Variants in RERE observed in about 807,000 individuals in gnomAD.
RERE encodes the protein arginine-glutamic acid dipeptide repeats protein.
In RERE, 40 loss-of-function variants were observed where a neutral mutation model predicts 146.1. That is an observed-to-expected ratio of 0.27 (90% confidence interval 0.21 to 0.36). The LOEUF (loss-of-function observed/expected upper bound fraction) is 0.36. Among genes scored for constraint, RERE ranks in the 10% least tolerant of loss-of-function variants. The pLI, the probability that RERE is intolerant of heterozygous loss-of-function variation, is 1.00. For missense variants in RERE, 1,933 were observed against 2,138.7 expected, an observed-to-expected ratio of 0.90 and a Z score of 1.90; for synonymous variants, 1,003 against 866.0, an observed-to-expected ratio of 1.16 and a Z score of -2.78.
intron 1 of RERE, among the ~76,000 whole-genome samples, chr1:8,789,269 A>C: frequency 8.4e-6 from 1 of 119,174 alleles, no homozygotes; most frequent in African/African-American, 3.5e-5. Context: ...ACACAGCAAG[A>C]CCTCCTCTCT....
At position 8,715,853 on chromosome 1, in the gene RERE, T is replaced by C. The variant is rs188590775; in HGVS notation, c.-144-59412A>G. 8.6e-5 allele frequency among the ~76,000 whole-genome samples: 13 copies of C among 150,670 alleles called. No individual in the cohort carries two copies. The East Asian group carries it at 2.6e-3, about 30-fold the overall frequency. ...AGAAAGTAGAAGTTGCAGTGAGCCA[T>C]GATCATGCCACTGGATTCCAGCCTG... On this transcript the variant is annotated intron_variant, in intron 1 of 22. Coordinates refer to ENST00000400908, the MANE Select transcript of RERE (RefSeq NM_001042681.2).
chr1:8,748,659 T>A (rs1249489045), intron 1 of RERE, among the ~76,000 whole-genome samples: 1 of 152,190 alleles, frequency 6.6e-6, no homozygotes, highest in African/African-American at 2.4e-5. Context: ...TTTGGCAGCA[T>A]CCCAACTTCA....
At chr1:8,433,278 C>T (rs1644119925) in intron 11 of RERE, among the ~76,000 whole-genome samples, 1 of 152,196 alleles carries the variant, frequency 6.6e-6, no homozygotes, top group South Asian at 2.1e-4. Context: ...GCAGGGTAGC[C>T]TCTTGGTCCT....
chr1:8,584,941 G>A (rs1646409018), intron 4 of RERE, among the ~76,000 whole-genome samples: 3 of 152,004 alleles, frequency 2.0e-5, no homozygotes, highest in Admixed American at 2.0e-4. Context: ...TTAGTCAGGA[G>A]TCCAAGACCA....
At chr1:8,724,864 T>C (rs562967938) in intron 1 of RERE, among the ~76,000 whole-genome samples, 3 of 141,990 alleles carry the variant, frequency 2.1e-5, no homozygotes, top group Admixed American at 1.4e-4. Flanking sequence ...CTTTTATTTC[T>C]AGATACTTTG....
At chr1:8,789,931 C>A (rs1641333960) in intron 1 of RERE, among the ~76,000 whole-genome samples, 1 of 152,168 alleles carries the variant, frequency 6.6e-6, no homozygotes, top group Non-Finnish European at 1.5e-5. Context: ...ATTTGTTATG[C>A]TAAACAGTAA....
At chr1:8,482,854 A>T (rs1215131400) in intron 10 of RERE, among the ~76,000 whole-genome samples, 1 of 152,238 alleles carries the variant, frequency 6.6e-6, no homozygotes, top group East Asian at 1.9e-4. Context: ...AATGTTTCTA[A>T]AACTAAAAAA....
intron 4 of RERE, among the ~76,000 whole-genome samples, chr1:8,613,578 T>C (rs969579703): frequency 1.3e-5 from 2 of 152,188 alleles, no homozygotes; most frequent in African/African-American, 4.8e-5. Context: ...CGACCCAAGA[T>C]ATTAATATTC....
intron 1 of RERE, among the ~76,000 whole-genome samples, chr1:8,774,920 A>G (rs6577522): frequency 0.8 from 116,530 of 144,870 alleles, 47,038 homozygotes; most frequent in East Asian, 0.95. Flanking sequence ...GCCCCATATC[A>G]GCCTTTCATA....
At chr1:8,391,549 G>T (rs1367321008) in intron 12 of RERE, among the ~76,000 whole-genome samples, 1 of 151,968 alleles carries the variant, frequency 6.6e-6, no homozygotes, top group Non-Finnish European at 1.5e-5. Flanking sequence ...CCTTGGCCTG[G>T]GGGGCTCTTC....
At chr1:8,659,378 G>A (rs1175224712) in intron 1 of RERE, among the ~76,000 whole-genome samples, 2 of 152,198 alleles carry the variant, frequency 1.3e-5, no homozygotes, top group African/African-American at 2.4e-5. Context: ...CCAAGATGGC[G>A]AAACCCTGTC....
intron 12 of RERE, among the ~76,000 whole-genome samples, chr1:8,413,542 C>CT (rs1643673453): frequency 6.6e-6 from 1 of 151,428 alleles, no homozygotes; most frequent in African/African-American, 2.4e-5. Flanking sequence ...TGGGGTTTCA[C>CT]CATGTTGCCT....
At chr1:8,762,246 T>C (rs1276427297) in intron 1 of RERE, among the ~76,000 whole-genome samples, 2 of 152,188 alleles carry the variant, frequency 1.3e-5, no homozygotes, top group Non-Finnish European at 2.9e-5. Context: ...TGTACTGACA[T>C]ACAAGCATCG....
chr1:8,774,951 C>CT lies in RERE; in HGVS notation c.-145+42208dup, dbSNP rs869173167. On this transcript the variant is annotated intron_variant, in intron 1 of 22. Transcript: ENST00000400908. Reference sequence around the variant, plus strand: ...TCATAGTAGCATTTCTTCTTTCTTTCTTTTTTTTTTTTTTTTTTTTTTTTT... The same window carrying CT: ...TCATAGTAGCATTTCTTCTTTCTTTCTTTTTTTTTTTTTTTTTTTTTTTTTT... 9.2e-3 allele frequency among the ~76,000 whole-genome samples: 443 copies of CT among 47,940 alleles called. 14 individuals carry two copies. Among genetic ancestry groups the CT allele is most frequent in the South Asian group, 0.015 (17 of 1,164 alleles). 31.5% of individuals were successfully genotyped at this position (47,940 alleles called of 152,430 possible).
intron 4 of RERE, among the ~76,000 whole-genome samples, chr1:8,593,424 T>C (rs538090516): frequency 5.3e-5 from 8 of 152,304 alleles, no homozygotes; most frequent in Non-Finnish European, 2.9e-5. Context: ...TGAGATCTGA[T>C]TGTTTTATAA....
chr1:8,413,934 A>G (rs527557885), intron 12 of RERE, among the ~76,000 whole-genome samples: 4 of 151,924 alleles, frequency 2.6e-5, no homozygotes, highest in Non-Finnish European at 4.4e-5. Context: ...GCATGCCTAT[A>G]ATCCCAGCCA....
chr1:8,476,787 C>T (rs1320878699), intron 10 of RERE, among the ~76,000 whole-genome samples: 1 of 152,200 alleles, frequency 6.6e-6, no homozygotes, highest in Non-Finnish European at 1.5e-5. Context: ...CTGCGTCCTT[C>T]GCTTCTTTCG....
intron 7 of RERE, among the ~76,000 whole-genome samples, chr1:8,522,210 C>T (rs1054720363): frequency 1.2e-4 from 18 of 152,180 alleles, no homozygotes; most frequent in African/African-American, 4.3e-4. Flanking sequence ...ATTATCTGTG[C>T]TTATTTAGGA....
chr1:8,680,280 C>T (rs1638934110), intron 1 of RERE, among the ~76,000 whole-genome samples: 1 of 152,204 alleles, frequency 6.6e-6, no homozygotes, highest in African/African-American at 2.4e-5. Context: ...CTCTGGAGTA[C>T]TTCCTTCTGC....
Sources: allele counts gnomAD v4.1 joint callset (sites outside exome capture counted in the v4.1 genomes callset), GRCh38; gene constraint gnomAD v4.1.1; transcripts MANE v1.5; gene names NCBI Gene and HGNC (gene_info 2026-07-23, HGNC 2026-07-21).